The following IQCM variants were observed in gnomAD, a reference collection of about 807,000 sequenced individuals.
IQCM encodes the protein IQ domain-containing protein M.
Under a neutral mutation model 57.6 loss-of-function variants are expected in IQCM, and 45 were observed. The observed-to-expected ratio is 0.78, with a 90% CI of 0.62 to 1.00. The LOEUF is 1.00. Among genes scored for constraint, IQCM ranks in the 50% least tolerant of loss-of-function variants. The pLI is 0.00. For synonymous variants in IQCM, 148 were observed against 158.9 expected, an observed-to-expected ratio of 0.93 and a Z score of 0.51; for missense variants, 468 against 511.6, an observed-to-expected ratio of 0.91 and a Z score of 0.82.
chr4:149,413,318 A>T (rs915894703), intron 13 of IQCM, among the ~76,000 whole-genome samples: 1 of 152,204 alleles, frequency 6.6e-6, no homozygotes, highest in African/African-American at 2.4e-5. Context: ...AGGAGAATAG[A>T]TTGAAAAAGG....
At chr4:149,523,418 A>G (rs1745854988) in intron 12 of IQCM, among the ~76,000 whole-genome samples, 1 of 152,246 alleles carries the variant, frequency 6.6e-6, no homozygotes, top group African/African-American at 2.4e-5. Context: ...AGGAGAAAGG[A>G]ATACAACCAA....
At chr4:149,795,623 C>T (rs1773043176) in intron 2 of IQCM, among the ~76,000 whole-genome samples, 1 of 152,176 alleles carries the variant, frequency 6.6e-6, no homozygotes, top group Admixed American at 6.5e-5. Context: ...TCTCCTCACC[C>T]TTAACCCCAG....
intron 12 of IQCM, among the ~76,000 whole-genome samples, chr4:149,542,473 A>T (rs562801500): frequency 6.2e-4 from 95 of 152,188 alleles, no homozygotes; most frequent in South Asian, 1.7e-3. Context: ...ATTCACCTTA[A>T]CTTGAAGAGA....
At chr4:149,499,366 T>C (rs1743004497) in intron 12 of IQCM, among the ~76,000 whole-genome samples, 1 of 152,168 alleles carries the variant, frequency 6.6e-6, no homozygotes, top group Non-Finnish European at 1.5e-5. Flanking sequence ...GTTTATTTAA[T>C]TTTCTCAAGA....
chr4:149,802,747 G>A (rs2150051643), intron 2 of IQCM, among the ~76,000 whole-genome samples: 1 of 151,958 alleles, frequency 6.6e-6, no homozygotes, highest in East Asian at 1.9e-4. Flanking sequence ...ACATTTTCAA[G>A]GTTATATAGT....
At position 149,553,129 on chromosome 4, in the gene IQCM, T is replaced by A; in HGVS notation, c.1093+14A>T. 8.1e-7 allele frequency: 1 copy of A among 1,231,440 alleles called. No individual in the cohort carries two copies. The highest frequency in any genetic ancestry group is 1.0e-6 in the Non-Finnish European group (1 of 987,324). 76.3% of individuals were successfully genotyped at this position (1,231,440 alleles called of 1,614,324 possible). A position where few individuals can be genotyped will look rare whatever the true frequency, so the allele number is the denominator to read the frequency against. ...CAAACTTAAATTCAAACCAGAAGTG[T>A]CTGCATCACTTACATTTTTTTCGGT... is the stretch of plus-strand genomic sequence containing the variant. On this transcript the variant is annotated intron_variant, in intron 11 of 13. Transcript: ENST00000636793.
At chr4:149,719,281 T>C (rs1169886797) in intron 5 of IQCM, among the ~76,000 whole-genome samples, 2 of 149,864 alleles carry the variant, frequency 1.3e-5, no homozygotes, top group Admixed American at 6.6e-5. Context: ...GAGGTGGAGG[T>C]TGCAGTGACC....
chr4:149,520,536 G>A (rs1371176285), intron 12 of IQCM, among the ~76,000 whole-genome samples: 1 of 152,054 alleles, frequency 6.6e-6, no homozygotes, highest in African/African-American at 2.4e-5. Context: ...GCAGTGCTGA[G>A]GATGAAAAAG....
chr4:149,596,446 AGAGTCTAGGTTTTAATGAC>A (rs1263932733), intron 8 of IQCM, among the ~76,000 whole-genome samples: 1 of 152,142 alleles, frequency 6.6e-6, no homozygotes, highest in African/African-American at 2.4e-5. Context: ...CTGACAGCTT[AGAGTCTAGGTTTTAATGAC>A]CTGCATGCCC....
chr4:149,520,842 C>T (rs1298707146), intron 12 of IQCM, among the ~76,000 whole-genome samples: 1 of 152,098 alleles, frequency 6.6e-6, no homozygotes, highest in Non-Finnish European at 1.5e-5. Context: ...AGCTCTTCCA[C>T]CTTGCCTCCT....
At chr4:149,571,010 G>C (rs1379590234) in intron 9 of IQCM, among the ~76,000 whole-genome samples, 1 of 152,030 alleles carries the variant, frequency 6.6e-6, no homozygotes, top group East Asian at 1.9e-4. Flanking sequence ...TATTGGAGAG[G>C]ACACAGAGAA....
intron 13 of IQCM, among the ~76,000 whole-genome samples, chr4:149,374,624 T>C (rs552342922): frequency 7.2e-5 from 11 of 152,164 alleles, no homozygotes; most frequent in Non-Finnish European, 1.5e-4. Flanking sequence ...GTTCAAATTT[T>C]TATTTGTTGT....
chr4:149,447,111 G>A (rs1286631368), intron 12 of IQCM, among the ~76,000 whole-genome samples: 1 of 151,472 alleles, frequency 6.6e-6, no homozygotes. Flanking sequence ...ATGTAACACA[G>A]CTAAAGGATG....
chr4:149,552,779 A>T (rs909505165), intron 11 of IQCM, among the ~76,000 whole-genome samples: 20 of 152,168 alleles, frequency 1.3e-4, no homozygotes, highest in Admixed American at 1.3e-4. Flanking sequence ...AAGAGTCTTT[A>T]AGTGGTAGGG....
intron 12 of IQCM, among the ~76,000 whole-genome samples, chr4:149,495,353 C>A (rs1215885046): frequency 2.0e-5 from 3 of 152,070 alleles, no homozygotes; most frequent in African/African-American, 7.2e-5. Flanking sequence ...GAGAGCCTTA[C>A]TTATTCAATC....
intron 8 of IQCM, among the ~76,000 whole-genome samples, chr4:149,602,202 T>C (rs1227632066): frequency 6.6e-6 from 1 of 152,136 alleles, no homozygotes; most frequent in African/African-American, 2.4e-5. Flanking sequence ...ATGTAAAGTA[T>C]AGGGGAGGGC....
At chr4:149,783,856 T>C (rs1259219935) in intron 2 of IQCM, among the ~76,000 whole-genome samples, 1 of 152,086 alleles carries the variant, frequency 6.6e-6, no homozygotes, top group East Asian at 1.9e-4. Context: ...CAGCCTCCAG[T>C]TGACAGTCAG....
In IQCM at chr4:149,362,582, C is replaced by G. The variant is rs543507730; in HGVS notation, c.1391-10516G>C. Among the ~76,000 whole-genome samples the G allele has an allele frequency of 3.1e-4, 47 of 152,178 alleles. No homozygotes were observed. The East Asian group carries it at 7.2e-3, about 23-fold the overall frequency. On this transcript the variant is annotated intron_variant, in intron 13 of 13. Transcript: ENST00000636793. Reference sequence around the variant, plus strand: ...GCTTCTTCCCATTTTCTCTTGCCACCACCATGTAAGAAGTGCCTTTCACCT... The same window carrying G: ...GCTTCTTCCCATTTTCTCTTGCCACGACCATGTAAGAAGTGCCTTTCACCT...
At chr4:149,608,322 C>T (rs1050644151) in intron 8 of IQCM, among the ~76,000 whole-genome samples, 11 of 151,886 alleles carry the variant, frequency 7.2e-5, no homozygotes, top group African/African-American at 2.7e-4. Context: ...TAGCTGGGTA[C>T]ATCAACACTC....
Sources: allele counts gnomAD v4.1 joint callset (sites outside exome capture counted in the v4.1 genomes callset), GRCh38; gene constraint gnomAD v4.1.1; transcripts MANE v1.5; gene names NCBI Gene and HGNC (gene_info 2026-07-23, HGNC 2026-07-21).